The following MYO16 variants were observed in gnomAD, a reference collection of about 807,000 sequenced individuals.
MYO16 encodes the protein unconventional myosin-XVI.
A neutral mutation model predicts 205.3 loss-of-function variants in MYO16; 94 were observed. That is an observed-to-expected ratio of 0.46 (90% CI 0.39 to 0.54). The LOEUF (loss-of-function observed/expected upper bound fraction) is 0.54. Among genes scored for constraint, MYO16 ranks in the 20% least tolerant of loss-of-function variants. The pLI, the probability that MYO16 is intolerant of heterozygous loss-of-function variation, is 0.00. For missense variants in MYO16, 2,315 were observed against 2,387.5 expected (o/e 0.97, Z 0.63); for synonymous variants, 988 against 954.0 (o/e 1.04, Z -0.66).
Position 108,636,359 on chromosome 13 carries a change from T to TG in MYO16, c.28+6487_28+6488insG, listed in dbSNP as rs1326267664. On this transcript the variant is annotated intron_variant, in intron 1 of 34. Coordinates refer to ENST00000457511, the MANE Select transcript of MYO16 (RefSeq NM_001198950.3). ...AAAAATATTTCCCTTTTTTTTTTTT[T>TG]TTTTTTTTTTTGTGTGTGTGTGTGT... 7.8e-3 allele frequency among the ~76,000 whole-genome samples: 752 copies of TG among 96,660 alleles called. 3 individuals carry two copies. Among genetic ancestry groups the TG allele is most frequent in the Non-Finnish European group, 0.01 (479 of 47,280 alleles). 63.4% of individuals were successfully genotyped at this position (96,660 alleles called of 152,430 possible).
At chr13:108,716,418 A>G (rs528825366) in intron 3 of MYO16, among the ~76,000 whole-genome samples, 1 of 152,352 alleles carries the variant, frequency 6.6e-6, no homozygotes, top group Non-Finnish European at 1.5e-5. Flanking sequence ...TGTGAGACTA[A>G]GACAAAGTGG....
chr13:109,054,432 G>T, intron 25 of MYO16: 1 of 212,078 alleles, frequency 4.7e-6, no homozygotes, highest in East Asian at 1.5e-4. Context: ...TAAATTTAAG[G>T]GAACAAACCA....
At chr13:108,755,165 A>T (rs1445845098) in intron 4 of MYO16, among the ~76,000 whole-genome samples, 1 of 152,038 alleles carries the variant, frequency 6.6e-6, no homozygotes, top group Non-Finnish European at 1.5e-5. Context: ...TAAAGCAGTC[A>T]TTGTGTTCTA....
At chr13:108,929,119 A>C (rs968328577) in intron 16 of MYO16, among the ~76,000 whole-genome samples, 8 of 152,240 alleles carry the variant, frequency 5.3e-5, no homozygotes, top group Admixed American at 4.6e-4. Flanking sequence ...TGAAATTTTT[A>C]AAAAATCAAA....
At chr13:109,129,071 C>CTT (rs372300769) in intron 31 of MYO16, among the ~76,000 whole-genome samples, 33 of 128,202 alleles carry the variant, frequency 2.6e-4, no homozygotes, top group African/African-American at 7.8e-4. Context: ...TGCGCCAGGC[C>CTT]TTTTTTTTTT....
chr13:108,532,491 G>C, the MYO16 span, among the ~76,000 whole-genome samples: 1 of 151,454 alleles, frequency 6.6e-6, no homozygotes, highest in Admixed American at 6.6e-5. Context: ...TGGGAGAAAT[G>C]AATGTTTTTA....
chr13:108,747,347 G>T (rs1316165678), intron 4 of MYO16, among the ~76,000 whole-genome samples: 4 of 152,130 alleles, frequency 2.6e-5, no homozygotes, highest in Non-Finnish European at 5.9e-5. Context: ...GGTTATTATA[G>T]CGTAAGGATA....
intron 4 of MYO16, among the ~76,000 whole-genome samples, chr13:108,766,283 T>A (rs1288127547): frequency 1.3e-5 from 2 of 152,216 alleles, no homozygotes; most frequent in Non-Finnish European, 2.9e-5. Flanking sequence ...TCTGGTTGAT[T>A]TGACTCAAGT....
chr13:108,531,778 G>A, the MYO16 span, among the ~76,000 whole-genome samples: 1 of 152,054 alleles, frequency 6.6e-6, no homozygotes, highest in Admixed American at 6.6e-5. Flanking sequence ...ATATGGATGG[G>A]CTCACTTAGG....
chr13:109,159,885 C>G (rs1447187236), intron 32 of MYO16, among the ~76,000 whole-genome samples: 1 of 152,240 alleles, frequency 6.6e-6, no homozygotes, highest in Non-Finnish European at 1.5e-5. Context: ...GGAGTCAGGG[C>G]ATGCAAGGTC....
intron 11 of MYO16, among the ~76,000 whole-genome samples, chr13:108,857,913 A>G (rs1409084192): frequency 6.6e-6 from 1 of 152,192 alleles, no homozygotes; most frequent in African/African-American, 2.4e-5. Flanking sequence ...ATGTTCATAT[A>G]ACATAAATTT....
At chr13:109,123,557 C>A (rs1876099787) in intron 29 of MYO16, among the ~76,000 whole-genome samples, 1 of 152,148 alleles carries the variant, frequency 6.6e-6, no homozygotes, top group African/African-American at 2.4e-5. Context: ...CTTTACTCCA[C>A]ATTTTATATT....
intron 13 of MYO16, among the ~76,000 whole-genome samples, chr13:108,887,893 G>C (rs574576517): frequency 1.7e-4 from 26 of 152,058 alleles, no homozygotes; most frequent in African/African-American, 6.3e-4. Context: ...GGCCCATGAA[G>C]CATGAACAGT....
intron 16 of MYO16, among the ~76,000 whole-genome samples, chr13:108,913,106 G>A (rs1011213104): frequency 1.3e-5 from 2 of 152,128 alleles, no homozygotes; most frequent in Non-Finnish European, 2.9e-5. Flanking sequence ...ACTTTATGAG[G>A]AGTTCCAACA....
intron 4 of MYO16, among the ~76,000 whole-genome samples, chr13:108,770,679 A>G (rs2138878470): frequency 6.6e-6 from 1 of 152,348 alleles, no homozygotes; most frequent in Admixed American, 6.5e-5. Flanking sequence ...ATTCACTTAC[A>G]GTTATTTCCT....
At chr13:108,731,712 C>T (rs963879280) in intron 4 of MYO16, among the ~76,000 whole-genome samples, 1 of 152,158 alleles carries the variant, frequency 6.6e-6, no homozygotes, top group Admixed American at 6.5e-5. Flanking sequence ...TTCTACTAAC[C>T]AATCATCATC....
At chr13:108,895,412 G>A (rs1380236425) in intron 14 of MYO16, among the ~76,000 whole-genome samples, 2 of 152,176 alleles carry the variant, frequency 1.3e-5, no homozygotes, top group Middle Eastern at 3.4e-3. Flanking sequence ...GCCACCTATC[G>A]GCCAAGTGGC....
intron 21 of MYO16, 148 bp downstream of exon 21, chr13:108,992,596 A>G (rs945737870): frequency 1.6e-5 from 9 of 554,654 alleles, no homozygotes; most frequent in Non-Finnish European, 2.2e-5. Context: ...TCTCTGGTTT[A>G]TCAATATATT....
chr13:108,580,472 C>A, the MYO16 span, among the ~76,000 whole-genome samples: 1 of 152,154 alleles, frequency 6.6e-6, no homozygotes, highest in Non-Finnish European at 1.5e-5. Flanking sequence ...TTTTAGTGTT[C>A]CTAGTAACAA....
Sources: allele counts gnomAD v4.1 joint callset (sites outside exome capture counted in the v4.1 genomes callset), GRCh38; gene constraint gnomAD v4.1.1; transcripts MANE v1.5; gene names NCBI Gene and HGNC (gene_info 2026-07-23, HGNC 2026-07-21).